The following IFI44L variants were observed in gnomAD, a reference collection of about 807,000 sequenced individuals.
The protein encoded by IFI44L is interferon induced protein 44 like.
Under a neutral mutation model 39.3 loss-of-function variants are expected in IFI44L, and 40 were observed. The ratio of observed to expected loss-of-function variants is 1.02; its 90% CI spans 0.79 to 1.33. The LOEUF (loss-of-function observed/expected upper bound fraction) is 1.33. IFI44L is among the 40% of genes most tolerant of loss of function. The pLI is 0.00. For missense variants in IFI44L, 623 were observed against 549.0 expected (o/e 1.13, Z -1.35); for synonymous variants, 198 against 182.3 (o/e 1.09, Z -0.69).
rs1557690735 is a variant in IFI44L, at chr1:78,641,008, CTATT to C, written c.1049-11_1049-8del. Reference sequence around the variant, plus strand: ...TTATGATATAAAATAACTGATTTATCTATTTGATATAGGTATAGCATATGTGGCC... The same window carrying C: ...TTATGATATAAAATAACTGATTTATCTGATATAGGTATAGCATATGTGGCC... On this transcript the variant is annotated splice_polypyrimidine_tract_variant and intron_variant, in intron 6 of 8. Coordinates refer to ENST00000370751, the MANE Select transcript of IFI44L (RefSeq NM_006820.4). 1.2e-5 allele frequency: 19 copies of C among 1,556,932 alleles called. No individual in the cohort carries two copies. Among genetic ancestry groups the C allele is most frequent in the Non-Finnish European group, 1.6e-5 (18 of 1,129,728 alleles).
chr1:78,635,145 C>T (rs1652896247), intron 4 of IFI44L, among the ~76,000 whole-genome samples, 192 bp from the exon 5 acceptor site: 1 of 151,284 alleles, frequency 6.6e-6, no homozygotes, highest in Non-Finnish European at 1.5e-5. Context: ...TTTAAATATC[C>T]ATAGATATAA....
chr1:78,641,473 C>T lies in IFI44L; in HGVS notation c.1188C>T (p.Ser396=), dbSNP rs1471296998. 2 of 1,613,474 alleles carry T rather than the reference C, an allele frequency of 1.2e-6. No homozygotes were observed. The highest frequency in any genetic ancestry group is 1.7e-6 in the Non-Finnish European group (2 of 1,179,624). Residue 396 remains serine, a synonymous_variant, in exon 8 of 9, where the codon TCC becomes TCT. Transcript: ENST00000370751. ...NVHKMLGIPI[S]NILMVGNYAS... is the part of the protein sequence containing the mutation. ...ATAAAATGCTAGGCATTCCTATTTC[C>T]AATATTTTGATGGTTGGAAATTATG...
intron 3 of IFI44L, 41 bp downstream of exon 3, chr1:78,629,040 A>T (rs966472861): frequency 2.4e-6 from 3 of 1,234,406 alleles, no homozygotes; most frequent in African/African-American, 1.5e-5. Context: ...CATTTTATTT[A>T]GACCAATTGT....
intron 4 of IFI44L, among the ~76,000 whole-genome samples, chr1:78,630,631 A>G (rs1442014675): frequency 6.6e-6 from 1 of 152,184 alleles, no homozygotes; most frequent in Non-Finnish European, 1.5e-5. Flanking sequence ...ACAAATTAAT[A>G]TTGTCACTTG....
At position 78,628,229 on chromosome 1, in the gene IFI44L, C is replaced by T. The variant is rs1557683800; in HGVS notation, c.314C>T (p.Pro105Leu). 1 of 1,612,210 alleles carries T rather than the reference C, an allele frequency of 6.2e-7. No homozygotes were observed. Among genetic ancestry groups the T allele is most frequent in the Non-Finnish European group, 8.5e-7 (1 of 1,179,222 alleles). ...GAAACTTTACTCTTAAATACAGCAC[C>T]AAAAATTATTGATGAGCAACTGGTG... ...EIETLLLNTA[P>L]KIIDEQLVCR... is the part of the protein sequence containing the mutation. Residue 105 changes from proline to leucine, a missense_variant, in exon 2 of 9, where the codon CCA becomes CTA. Transcript: ENST00000370751.
intron 1 of IFI44L, among the ~76,000 whole-genome samples, chr1:78,625,217 T>C (rs1035439976): frequency 6.6e-6 from 1 of 152,166 alleles, no homozygotes; most frequent in Admixed American, 6.6e-5. Flanking sequence ...TGTGTAAGAT[T>C]GTGTATTATT....
At chr1:78,629,626 G>C in intron 3 of IFI44L, 94 bp from the exon 4 acceptor site, 1 of 767,060 alleles carries the variant, frequency 1.3e-6, no homozygotes. Flanking sequence ...CCCTTCTCAG[G>C]GAAGAGAAAG....
chr1:78,632,569 T>A (rs1453392840), intron 4 of IFI44L, among the ~76,000 whole-genome samples: 1 of 152,194 alleles, frequency 6.6e-6, no homozygotes, highest in African/African-American at 2.4e-5. Flanking sequence ...CATATAAAAA[T>A]GTCGCAGATT....
Position 78,628,818 on chromosome 1 carries a change from A to T in IFI44L, c.479-133A>T, listed in dbSNP as rs1020010346. ...TCCTCCTCTTCCTCTCATGTTGCCAACTCTGACTCCTAACTGAGCAGCTCA... is the reference window on the plus strand; with the variant it reads ...TCCTCCTCTTCCTCTCATGTTGCCATCTCTGACTCCTAACTGAGCAGCTCA... On this transcript the variant is annotated intron_variant, in intron 2 of 8. Transcript: ENST00000370751. 9.6e-6 allele frequency: 6 copies of T among 626,686 alleles called. No individual in the cohort carries two copies. The Admixed American group carries it at 1.5e-4, about 16-fold the overall frequency. 38.8% of individuals were successfully genotyped at this position (626,686 alleles called of 1,614,324 possible). A position where few individuals can be genotyped will look rare whatever the true frequency, so the allele number is the denominator to read the frequency against.
intron 2 of IFI44L, chr1:78,628,601 G>T: frequency 1.8e-6 from 1 of 542,360 alleles, no homozygotes; most frequent in Non-Finnish European, 3.2e-6. Context: ...AGCAAAGCAA[G>T]TTGAGAAATA....
chr1:78,629,105 T>G, intron 3 of IFI44L, 106 bp downstream of exon 3: 1 of 761,616 alleles, frequency 1.3e-6, no homozygotes, highest in Non-Finnish European at 2.3e-6. Context: ...ACTGGAATGA[T>G]TAAAAAAGAG....
intron 4 of IFI44L, among the ~76,000 whole-genome samples, chr1:78,632,491 TA>T (rs1342835280): frequency 3.9e-5 from 6 of 152,128 alleles, no homozygotes; most frequent in Non-Finnish European, 7.4e-5. Context: ...TAAATTAGGT[TA>T]AAAAATCATG....
Position 78,628,051 on chromosome 1 carries a change from CG to C in IFI44L, c.137del (p.Arg46LeufsTer6), listed in dbSNP as rs1652563252. 6.2e-7 allele frequency: 1 copy of C among 1,613,024 alleles called. No individual in the cohort carries two copies. Among genetic ancestry groups the C allele is most frequent in the Admixed American group, 1.7e-5 (1 of 59,924 alleles). On this transcript the variant is annotated frameshift_variant, in exon 2 of 9. Transcript: ENST00000370751. LOFTEE classifies it high-confidence loss of function. ...TGAAGATATGGTTGAAAGATGCAGC[CG>C]TCAGGGATGTACTATAACAATGGCT... ...SIEDMVERCS[R>X]QGCTITMAYI...
intron 1 of IFI44L, chr1:78,627,520 A>T (rs1209422302): frequency 6.5e-6 from 1 of 153,380 alleles, no homozygotes; most frequent in African/African-American, 2.4e-5. Flanking sequence ...TTTACATATT[A>T]TCTATGACTT....
At chr1:78,629,619 T>G in intron 3 of IFI44L, 101 bp from the exon 4 acceptor site, 1 of 711,148 alleles carries the variant, frequency 1.4e-6, no homozygotes, top group Non-Finnish European at 2.2e-6. Context: ...AAAAATACCC[T>G]TCTCAGGGAA....
intron 1 of IFI44L, 36 bp from the exon 2 acceptor site, chr1:78,627,870 T>C (rs770840023): frequency 3.7e-5 from 46 of 1,238,998 alleles, no homozygotes; most frequent in Non-Finnish European, 4.7e-5. Context: ...TACTATATTA[T>C]ATAAGCTTCT....
chr1:78,632,664 C>T (rs1236203926), intron 4 of IFI44L, among the ~76,000 whole-genome samples: 1 of 152,106 alleles, frequency 6.6e-6, no homozygotes, highest in Non-Finnish European at 1.5e-5. Flanking sequence ...TACCTGAAAG[C>T]TATACAGTGA....
At position 78,642,394 on chromosome 1, in the gene IFI44L, A is replaced by T. The variant is rs1646997221; in HGVS notation, c.*585A>T. Reference sequence around the variant, plus strand: ...ACCCCATCTCCACTGCAAAAAAAAAAAAAAAAAATAAGAAAGAACAAAACA... The same window carrying T: ...ACCCCATCTCCACTGCAAAAAAAAATAAAAAAAATAAGAAAGAACAAAACA... On this transcript the variant is annotated 3_prime_UTR_variant, in exon 9 of 9. Transcript: ENST00000370751. The T allele has an allele frequency of 6.6e-6, 1 of 151,508 alleles. No homozygotes were observed. The highest frequency in any genetic ancestry group is 6.6e-5 in the Admixed American group (1 of 15,190). 9.4% of individuals were successfully genotyped at this position (151,508 alleles called of 1,614,324 possible).
At chr1:78,622,008 G>A (rs1652295857) in intron 1 of IFI44L, among the ~76,000 whole-genome samples, 1 of 152,008 alleles carries the variant, frequency 6.6e-6, no homozygotes. Context: ...CTTTGTTGTT[G>A]ACTAATAGAA....
Sources: gnomAD v4.1 joint callset for allele counts (sites outside exome capture counted in the v4.1 genomes callset) on GRCh38, gnomAD v4.1.1 for gene constraint, MANE v1.5 for transcripts, NCBI Gene and HGNC (gene_info 2026-07-23, HGNC 2026-07-21) for gene names.